The following NPR3 variants were observed in gnomAD, a reference collection of about 807,000 sequenced individuals.
NPR3 encodes atrial natriuretic peptide receptor 3.
Under a neutral mutation model 54.5 loss-of-function variants are expected in NPR3, and 34 were observed. The observed-to-expected ratio is 0.62, with a 90% CI of 0.47 to 0.83. The LOEUF (loss-of-function observed/expected upper bound fraction) is 0.83. NPR3 is among the 40% of genes least tolerant of loss of function. The pLI is 0.00. For synonymous variants in NPR3, 289 were observed against 297.1 expected, an observed-to-expected ratio of 0.97 and a Z score of 0.28; for missense variants, 674 against 720.8, an observed-to-expected ratio of 0.94 and a Z score of 0.74.
intron 2 of NPR3, among the ~76,000 whole-genome samples, chr5:32,734,218 C>A (rs774559630): frequency 6.6e-6 from 1 of 152,118 alleles, no homozygotes; most frequent in Non-Finnish European, 1.5e-5. Context: ...CCAAGGAAGG[C>A]AGATATTTTC....
Position 32,783,044 on chromosome 5 carries a change from T to C in NPR3, c.1426+16T>C. On this transcript the variant is annotated intron_variant, in intron 6 of 7. Coordinates refer to ENST00000265074, the MANE Select transcript of NPR3 (RefSeq NM_001204375.2). ...TGCAAATCATGTAAGTCTGGAGACT[T>C]AATTTGCTATGTATGTCATCACCTC... 1 of 1,589,160 alleles carries C rather than the reference T, an allele frequency of 6.3e-7. No homozygotes were observed. Among genetic ancestry groups the C allele is most frequent in the Non-Finnish European group, 8.6e-7 (1 of 1,166,122 alleles).
chr5:32,713,409 G>T, intron 1 of NPR3: 1 of 985,466 alleles, frequency 1.0e-6, no homozygotes, highest in Non-Finnish European at 1.2e-6. Flanking sequence ...ACGCGGACGT[G>T]TAATCGCCAG....
chr5:32,719,930 C>T (rs865899985), intron 1 of NPR3, among the ~76,000 whole-genome samples: 1 of 152,100 alleles, frequency 6.6e-6, no homozygotes, highest in African/African-American at 2.4e-5. Context: ...AGTGATATCC[C>T]TCTTTTCCTT....
intron 2 of NPR3, among the ~76,000 whole-genome samples, chr5:32,734,238 A>G (rs1259289748): frequency 2.0e-5 from 3 of 152,198 alleles, no homozygotes; most frequent in Admixed American, 1.3e-4. Flanking sequence ...CTCTCCTTAA[A>G]TGACCACCAG....
intron 3 of NPR3, among the ~76,000 whole-genome samples, chr5:32,747,929 T>G (rs1740386240): frequency 6.6e-6 from 1 of 152,072 alleles, no homozygotes; most frequent in South Asian, 2.1e-4. Flanking sequence ...TATTTTCGTA[T>G]TTTTAGTAGA....
chr5:32,729,276 A>T (rs817905), intron 2 of NPR3, among the ~76,000 whole-genome samples: 1 of 151,476 alleles, frequency 6.6e-6, no homozygotes, highest in Non-Finnish European at 1.5e-5. Context: ...TGATCCGCCC[A>T]CCTCGGCCTC....
At chr5:32,765,151 C>T (rs1014541308) in intron 3 of NPR3, among the ~76,000 whole-genome samples, 7 of 152,110 alleles carry the variant, frequency 4.6e-5, no homozygotes, top group Non-Finnish European at 8.8e-5. Flanking sequence ...ATAGTTATAG[C>T]GTGAGCATCC....
chr5:32,783,216 C>G, intron 6 of NPR3, 188 bp downstream of exon 6: 1 of 508,086 alleles, frequency 2.0e-6, no homozygotes, highest in Non-Finnish European at 3.4e-6. Context: ...TTCCAGTCTT[C>G]TCTTCCACAA....
rs1443417936 is a variant in NPR3 at position 32,789,808 on chromosome 5, G to A, written c.*3463G>A. 1 of 499,642 alleles carries A rather than the reference G, an allele frequency of 2.0e-6. No homozygotes were observed. The highest frequency in any genetic ancestry group is 2.0e-5 in the African/African-American group (1 of 50,626). 31.0% of individuals were successfully genotyped at this position (499,642 alleles called of 1,614,324 possible). On this transcript the variant is annotated 3_prime_UTR_variant, in exon 8 of 8. Coordinates refer to ENST00000265074, the MANE Select transcript of NPR3 (RefSeq NM_001204375.2). ...TGATGGATTCAGAAAGTAGGTTCCA[G>A]TGGCGTCACTACCTTCTTGTAAGCC...
Position 32,786,456 on chromosome 5 carries a change from G to T in NPR3, c.*111G>T. The T allele has an allele frequency of 1.5e-6, 1 of 650,304 alleles. No homozygotes were observed. Among genetic ancestry groups the T allele is most frequent in the South Asian group, 1.9e-5 (1 of 53,600 alleles). The allele number at this position is 650,304 out of a possible 1,614,324, so 40.3% of individuals were successfully genotyped here. ...GTTCTTGAAGAATTCATAATTTTAA[G>T]CAGTTAGTAATTTCATTTTAAAATT... On this transcript the variant is annotated 3_prime_UTR_variant, in exon 8 of 8. Coordinates refer to ENST00000265074, the MANE Select transcript of NPR3 (RefSeq NM_001204375.2).
At chr5:32,720,861 A>G (rs1044134725) in intron 1 of NPR3, among the ~76,000 whole-genome samples, 1 of 152,160 alleles carries the variant, frequency 6.6e-6, no homozygotes, top group Non-Finnish European at 1.5e-5. Flanking sequence ...ACTTCTTCAT[A>G]TACTTTCTAA....
intron 3 of NPR3, among the ~76,000 whole-genome samples, chr5:32,755,134 A>G (rs1444724366): frequency 6.6e-6 from 1 of 152,250 alleles, no homozygotes. Flanking sequence ...TGCCGGGATT[A>G]CAGGCGTGAG....
chr5:32,713,189 C>A (rs1403577237), intron 1 of NPR3: 6 of 985,320 alleles, frequency 6.1e-6, no homozygotes, highest in Non-Finnish European at 7.2e-6. Flanking sequence ...TCTGGCGACA[C>A]TCACTTCTCC....
At chr5:32,737,244 C>G (rs1739798544) in intron 2 of NPR3, among the ~76,000 whole-genome samples, 1 of 152,202 alleles carries the variant, frequency 6.6e-6, no homozygotes, top group African/African-American at 2.4e-5. Context: ...TTGTACCCCC[C>G]ATAGTAAGCT....
intron 3 of NPR3, among the ~76,000 whole-genome samples, chr5:32,745,225 G>A (rs1254560003): frequency 6.6e-6 from 1 of 152,146 alleles, no homozygotes; most frequent in African/African-American, 2.4e-5. Context: ...TTTCACAGTG[G>A]GGGTTCTGAG....
chr5:32,716,446 C>T (rs111785854), intron 1 of NPR3: 7,018 of 454,898 alleles, frequency 0.015, 467 homozygotes, highest in African/African-American at 0.13. Flanking sequence ...ATTCTACTGC[C>T]TGTTAACCAC....
intron 3 of NPR3, among the ~76,000 whole-genome samples, chr5:32,763,329 T>C (rs1210904455): frequency 6.6e-6 from 1 of 152,166 alleles, no homozygotes; most frequent in Non-Finnish European, 1.5e-5. Context: ...TATTTACTTT[T>C]TGAGACAGAA....
intron 2 of NPR3, 72 bp downstream of exon 2, chr5:32,724,892 G>T: frequency 6.5e-7 from 1 of 1,548,276 alleles, no homozygotes; most frequent in Non-Finnish European, 8.9e-7. Context: ...ATGAATGGTG[G>T]GTTGGATAAA....
At chr5:32,696,424 G>A (rs1481820754) in intron 1 of NPR3, among the ~76,000 whole-genome samples, 2 of 151,840 alleles carry the variant, frequency 1.3e-5, no homozygotes, top group Non-Finnish European at 2.9e-5. Context: ...CTTAAAGTCA[G>A]GTAATGTGAT....
Sources: allele counts gnomAD v4.1 joint callset (sites outside exome capture counted in the v4.1 genomes callset), GRCh38; gene constraint gnomAD v4.1.1; transcripts MANE v1.5; gene names NCBI Gene and HGNC (gene_info 2026-07-23, HGNC 2026-07-21).